Variants in ING4 observed in about 807,000 individuals in gnomAD.
The protein encoded by ING4 is inhibitor of growth protein 4.
Under a neutral mutation model 33.1 loss-of-function variants are expected in ING4, and 28 were observed. The ratio of observed to expected loss-of-function variants is 0.85; its 90% confidence interval spans 0.63 to 1.16. ING4 has a LOEUF of 1.16. Among genes scored for constraint, ING4 ranks in the 50% most tolerant of loss-of-function variants. ING4 has a pLI of 0.00. For synonymous variants in ING4, 87 were observed against 104.4 expected (o/e 0.83, Z 1.02); for missense variants, 247 against 314.7 (o/e 0.78, Z 1.63).
chr12:6,660,386 A>G (rs1473447641), intron 1 of ING4, among the ~76,000 whole-genome samples: 1 of 152,166 alleles, frequency 6.6e-6, no homozygotes, highest in East Asian at 1.9e-4. Context: ...AGGTGGGTGG[A>G]TCACCTGAGG....
intron 1 of ING4, among the ~76,000 whole-genome samples, chr12:6,659,751 T>C (rs1949487537): frequency 6.6e-6 from 1 of 150,898 alleles, no homozygotes; most frequent in African/African-American, 2.4e-5. Flanking sequence ...AGGTGGAGCT[T>C]TCAGTGAGCC....
rs180952713 is a variant in ING4 at position 6,650,340 on chromosome 12, G to A, written c.*855C>T. ...ATCATTTATTGGAAATTAAGTGAAA[G>A]ATGTTTTATGGAGAAAAGATGCATG... is the stretch of plus-strand genomic sequence containing the variant. On this transcript the variant is annotated 3_prime_UTR_variant, in exon 8 of 8. Transcript: ENST00000341550. 3 of 152,176 alleles carry A rather than the reference G, an allele frequency of 2.0e-5. No homozygotes were observed. The South Asian group carries it at 6.2e-4, about 31-fold the overall frequency. The allele number at this position is 152,176 out of a possible 1,614,324, so 9.4% of individuals were successfully genotyped here. A position where few individuals can be genotyped will look rare whatever the true frequency, so the allele number is the denominator to read the frequency against.
intron 1 of ING4, among the ~76,000 whole-genome samples, chr12:6,660,597 G>T (rs1949516592): frequency 6.6e-6 from 1 of 151,828 alleles, no homozygotes. Context: ...GACAGAGTGA[G>T]ACTCTGTCTC....
intron 2 of ING4, among the ~76,000 whole-genome samples, chr12:6,654,065 G>C (rs1949271353): frequency 6.6e-6 from 1 of 151,938 alleles, no homozygotes; most frequent in South Asian, 2.1e-4. Flanking sequence ...TCGAACTCCT[G>C]GGTCAAGCAA....
intron 1 of ING4, among the ~76,000 whole-genome samples, chr12:6,662,201 A>G (rs950233369): frequency 3.3e-5 from 5 of 152,148 alleles, no homozygotes; most frequent in African/African-American, 1.2e-4. Flanking sequence ...AATAACCTTC[A>G]AGACCCTATT....
Position 6,652,924 on chromosome 12 carries a change from C to A in ING4, c.391+12G>T. 3 of 1,605,824 alleles carry A rather than the reference C, an allele frequency of 1.9e-6. No individual in the cohort carries two copies. Among genetic ancestry groups the A allele is most frequent in the Non-Finnish European group, 2.6e-6 (3 of 1,172,670 alleles). On this transcript the variant is annotated intron_variant, in intron 4 of 7. Transcript: ENST00000341550. ...CCTCGCCCCACCTCTCACAGCCCCG[C>A]CCCCTCCTCACTCTTTTTGCCTTTG...
intron 2 of ING4, among the ~76,000 whole-genome samples, chr12:6,655,021 G>A (rs1055599137): frequency 1.3e-5 from 2 of 151,256 alleles, no homozygotes; most frequent in Non-Finnish European, 2.9e-5. Context: ...CACGGCACCC[G>A]GTCTCCCAGA....
intron 1 of ING4, among the ~76,000 whole-genome samples, chr12:6,657,366 A>G (rs931202714): frequency 2.7e-5 from 4 of 150,202 alleles, no homozygotes; most frequent in Admixed American, 6.6e-5. Context: ...GGAGAATGGC[A>G]TGAACCTGGG....
At chr12:6,656,233 T>C (rs1592324498) in intron 2 of ING4, among the ~76,000 whole-genome samples, 1 of 151,434 alleles carries the variant, frequency 6.6e-6, no homozygotes, top group Non-Finnish European at 1.5e-5. Flanking sequence ...CAGTGACATG[T>C]GGCATGATTT....
rs1247401403 is a variant in ING4 at position 6,651,135 on chromosome 12, T to A, written c.*60A>T. The A allele has an allele frequency of 2.4e-5, 38 of 1,584,984 alleles. No homozygotes were observed. Among genetic ancestry groups the A allele is most frequent in the Non-Finnish European group, 2.9e-5 (34 of 1,153,980 alleles). On this transcript the variant is annotated 3_prime_UTR_variant, in exon 8 of 8. Transcript: ENST00000341550. ...CCTGGCCCCAGCACAGGCATTCCTCTGCCCACTAGCCCAAGTCAGGGGATG... is the reference window on the plus strand; with the variant it reads ...CCTGGCCCCAGCACAGGCATTCCTCAGCCCACTAGCCCAAGTCAGGGGATG...
In ING4 at chr12:6,651,221, A is replaced by C; in HGVS notation, c.721T>G (p.Cys241Gly). 6.2e-7 allele frequency: 1 copy of C among 1,614,256 alleles called. No individual in the cohort carries two copies. The highest frequency in any genetic ancestry group is 8.5e-7 in the Non-Finnish European group (1 of 1,180,036). Residue 241 changes from cysteine (C) to glycine (G), a missense_variant, in exon 8 of 8, where the codon TGC (cysteine) becomes GGC (glycine). By Grantham distance (159) the Cys-to-Gly change is radical (BLOSUM62 -3). This residue lies in a region of ING4 where 38 missense variants were observed against 49.7 expected (regional missense o/e 0.77). Coordinates refer to ENST00000341550, the MANE Select transcript of ING4 (RefSeq NM_016162.4). ...TATTTCTTCTTCCGTTCTTGGGAGC[A>C]GCGTGGGCAAAACCTGAAACAGAGA... The part of the protein sequence containing the change: ...KPRGKWFCPR[C>G]SQERKKK
At chr12:6,659,761 CGAG>C (rs1949488055) in intron 1 of ING4, among the ~76,000 whole-genome samples, 1 of 146,856 alleles carries the variant, frequency 6.8e-6, no homozygotes, top group Non-Finnish European at 1.5e-5. Context: ...TTCAGTGAGC[CGAG>C]ATCGCTCCAC....
intron 2 of ING4, among the ~76,000 whole-genome samples, chr12:6,656,246 G>A (rs925520784): frequency 6.6e-6 from 1 of 151,834 alleles, no homozygotes. Flanking sequence ...CATGATTTGG[G>A]CTCACTACAA....
intron 1 of ING4, among the ~76,000 whole-genome samples, chr12:6,657,516 T>C (rs1390326798): frequency 6.6e-6 from 1 of 152,202 alleles, no homozygotes; most frequent in African/African-American, 2.4e-5. Flanking sequence ...CCTCTGGATT[T>C]ATCTGTGACA....
chr12:6,652,881 C>A (rs538725505), intron 4 of ING4, 55 bp downstream of exon 4: 2 of 1,560,844 alleles, frequency 1.3e-6, no homozygotes, highest in Admixed American at 1.7e-5. Context: ...GAAGAGCTGA[C>A]TTCTTCTCCC....
In ING4 at chr12:6,651,149, A is replaced by C. The variant is rs983671123; in HGVS notation, c.*46T>G. Reference sequence around the variant, plus strand: ...AGGCATTCCTCTGCCCACTAGCCCAAGTCAGGGGATGTGGAAGAAACTGTG... The same window carrying C: ...AGGCATTCCTCTGCCCACTAGCCCACGTCAGGGGATGTGGAAGAAACTGTG... On this transcript the variant is annotated 3_prime_UTR_variant, in exon 8 of 8. Coordinates refer to ENST00000341550, the MANE Select transcript of ING4 (RefSeq NM_016162.4). 1 of 1,606,606 alleles carries C rather than the reference A, an allele frequency of 6.2e-7. No homozygotes were observed. Among genetic ancestry groups the C allele is most frequent in the African/African-American group, 1.3e-5 (1 of 74,866 alleles).
At chr12:6,656,448 T>G (rs573825625) in intron 2 of ING4, 2 of 312,508 alleles carry the variant, frequency 6.4e-6, no homozygotes, top group East Asian at 2.1e-4. Flanking sequence ...GTGCTGGGAT[T>G]ACAGGTGTGA....
At chr12:6,652,546 T>C in intron 5 of ING4, 116 bp downstream of exon 5, 2 of 1,368,358 alleles carry the variant, frequency 1.5e-6, no homozygotes, top group Non-Finnish European at 2.1e-6. Context: ...ACCAAAATGA[T>C]AAGAAGAGTT....
At chr12:6,663,019 C>A in intron 1 of ING4, 46 bp downstream of exon 1, 1 of 1,600,130 alleles carries the variant, frequency 6.2e-7, no homozygotes, top group East Asian at 2.2e-5. Flanking sequence ...TCCCTGATCC[C>A]CGCACCACTC....
Sources: allele counts gnomAD v4.1 joint callset (sites outside exome capture counted in the v4.1 genomes callset), GRCh38; gene constraint gnomAD v4.1.1; regional missense constraint gnomAD v4.1.1; transcripts MANE v1.5; gene names NCBI Gene and HGNC (gene_info 2026-07-23, HGNC 2026-07-21).